Variants in SHISA9 observed in about 807,000 individuals in gnomAD.
SHISA9 encodes shisa family member 9.
Under a neutral mutation model 38.0 loss-of-function variants are expected in SHISA9, and 13 were observed. That is an observed-to-expected ratio of 0.34 (90% CI 0.22 to 0.54). The LOEUF is 0.54. SHISA9 is among the 20% of genes least tolerant of loss of function. The pLI, the probability that SHISA9 is intolerant of heterozygous loss-of-function variation, is 0.91. For missense variants in SHISA9, 538 were observed against 575.8 expected, an observed-to-expected ratio of 0.93 and a Z score of 0.67; for synonymous variants, 275 against 242.0, an observed-to-expected ratio of 1.14 and a Z score of -1.27.
chr16:13,203,413 C>T lies in SHISA9; in HGVS notation c.711C>T (p.Asn237=), dbSNP rs1206459630. The T allele has an allele frequency of 1.0e-5, 16 of 1,542,010 alleles. No individual in the cohort carries two copies. Among genetic ancestry groups the T allele is most frequent in the African/African-American group, 4.1e-5 (3 of 72,742 alleles). The change falls in exon 3 of 5, where the codon AAC becomes AAT. Residue 237 remains asparagine (N), a synonymous_variant. Transcript: ENST00000558583. ...INNLHATQMN[N]AVPTSPLLQQ... is the part of the protein sequence containing the mutation. ...TTCCAGATGCCACCCAGATGAACAA[C>T]GCAGTGCCCACCTCTCCTCTGCTCC...
intron 2 of SHISA9, among the ~76,000 whole-genome samples, chr16:13,040,924 C>A (rs1201033537): frequency 6.6e-6 from 1 of 152,172 alleles, no homozygotes; most frequent in Non-Finnish European, 1.5e-5. Context: ...GAATGGAGAG[C>A]AAGTGTGGGG....
intron 2 of SHISA9, among the ~76,000 whole-genome samples, chr16:13,040,748 C>A (rs1179874909): frequency 1.3e-5 from 2 of 152,156 alleles, no homozygotes; most frequent in African/African-American, 4.8e-5. Flanking sequence ...TCTTTTCTTT[C>A]TTCCTATCCT....
the SHISA9 span, among the ~76,000 whole-genome samples, chr16:13,268,336 C>A: frequency 6.6e-6 from 1 of 152,174 alleles, no homozygotes; most frequent in Non-Finnish European, 1.5e-5. Context: ...ATGGTGAAAC[C>A]CTGACTTTCC....
intron 2 of SHISA9, among the ~76,000 whole-genome samples, chr16:12,985,916 G>T (rs1206632715): frequency 6.6e-6 from 1 of 152,132 alleles, no homozygotes; most frequent in South Asian, 2.1e-4. Flanking sequence ...CATTACTCTT[G>T]TGTGCACAAA....
At chr16:13,081,136 G>A (rs2073644223) in intron 2 of SHISA9, among the ~76,000 whole-genome samples, 1 of 152,188 alleles carries the variant, frequency 6.6e-6, no homozygotes, top group Admixed American at 6.5e-5. Context: ...GAGAATTGGG[G>A]TTTTCAAAAC....
chr16:13,530,243 G>A, the SHISA9 span, among the ~76,000 whole-genome samples: 1 of 152,244 alleles, frequency 6.6e-6, no homozygotes, highest in Non-Finnish European at 1.5e-5. Context: ...AGAGGTTGCA[G>A]TGAGCTGAGA....
chr16:13,314,584 T>A, the SHISA9 span, among the ~76,000 whole-genome samples: 4 of 148,538 alleles, frequency 2.7e-5, no homozygotes, highest in East Asian at 7.9e-4. Context: ...ATAATTGATA[T>A]ACCAAAAAAA....
chr16:13,024,634 C>T (rs897611474), intron 2 of SHISA9, among the ~76,000 whole-genome samples: 1 of 152,170 alleles, frequency 6.6e-6, no homozygotes, highest in African/African-American at 2.4e-5. Flanking sequence ...GATCTGGGTT[C>T]AAATCTTATT....
At chr16:13,227,111 A>T (rs1455083733) in intron 4 of SHISA9, among the ~76,000 whole-genome samples, 1 of 152,170 alleles carries the variant, frequency 6.6e-6, no homozygotes, top group Non-Finnish European at 1.5e-5. Context: ...CCTCTCTAGT[A>T]GAATGTTTAT....
intron 2 of SHISA9, among the ~76,000 whole-genome samples, chr16:13,188,223 A>G (rs376999302): frequency 2.0e-4 from 31 of 152,272 alleles, no homozygotes; most frequent in African/African-American, 7.2e-4. Flanking sequence ...AACCCAGTCC[A>G]TGAAAGCTCA....
At chr16:13,562,387 T>C in the SHISA9 span, among the ~76,000 whole-genome samples, 1 of 152,128 alleles carries the variant, frequency 6.6e-6, no homozygotes, top group Non-Finnish European at 1.5e-5. Flanking sequence ...CCCAGCACTT[T>C]GGGAGGCTGA....
intron 2 of SHISA9, among the ~76,000 whole-genome samples, chr16:13,028,846 C>T (rs764967491): frequency 2.4e-4 from 37 of 152,110 alleles, no homozygotes; most frequent in Admixed American, 1.4e-3. Context: ...ATTCTCTGAT[C>T]GGTCAGGATT....
the SHISA9 span, among the ~76,000 whole-genome samples, chr16:13,479,240 C>A: frequency 6.6e-6 from 1 of 152,182 alleles, no homozygotes; most frequent in Non-Finnish European, 1.5e-5. Flanking sequence ...TACTGTGAGC[C>A]CTCTTGGATA....
intron 2 of SHISA9, among the ~76,000 whole-genome samples, chr16:13,002,532 T>TG (rs1348664976): frequency 5.0e-5 from 7 of 140,852 alleles, no homozygotes. Flanking sequence ...TTGGTTCCTG[T>TG]CTTTTTTTTT....
At chr16:13,252,689 A>G in the SHISA9 span, among the ~76,000 whole-genome samples, 8 of 152,098 alleles carry the variant, frequency 5.3e-5, no homozygotes, top group Non-Finnish European at 1.0e-4. Flanking sequence ...CTACCATATT[A>G]TATAATTGAT....
intron 2 of SHISA9, among the ~76,000 whole-genome samples, chr16:13,069,488 CAATG>C (rs1396316435): frequency 6.6e-6 from 1 of 150,516 alleles, no homozygotes; most frequent in African/African-American, 2.5e-5. Flanking sequence ...TGTGTACACA[CAATG>C]CATGCATGTG....
the SHISA9 span, among the ~76,000 whole-genome samples, chr16:13,367,747 C>G: frequency 4.7e-5 from 7 of 148,802 alleles, no homozygotes; most frequent in Non-Finnish European, 1.0e-4. Flanking sequence ...CACACACACA[C>G]ACCCCTGAAT....
the SHISA9 span, among the ~76,000 whole-genome samples, chr16:13,440,623 T>C: frequency 6.6e-6 from 1 of 152,284 alleles, no homozygotes; most frequent in South Asian, 2.1e-4. Context: ...CTGTGTGTGC[T>C]TTGATTAAAA....
At chr16:13,175,284 G>T (rs1281634376) in intron 2 of SHISA9, among the ~76,000 whole-genome samples, 2 of 152,190 alleles carry the variant, frequency 1.3e-5, no homozygotes, top group Non-Finnish European at 2.9e-5. Flanking sequence ...AGCTACTCTG[G>T]AGGCTGAGGT....
Sources: gnomAD v4.1 joint callset for allele counts (sites outside exome capture counted in the v4.1 genomes callset) on GRCh38, gnomAD v4.1.1 for gene constraint, MANE v1.5 for transcripts, NCBI Gene and HGNC (gene_info 2026-07-23, HGNC 2026-07-21) for gene names.